Variants in TIMP3 observed in about 807,000 individuals in gnomAD.
The protein encoded by TIMP3 is metalloproteinase inhibitor 3.
TIMP3 carries 11 observed loss-of-function variants against 30.0 expected under a neutral mutation model. The observed-to-expected ratio is 0.37, with a 90% CI of 0.23 to 0.61. The LOEUF (loss-of-function observed/expected upper bound fraction) is 0.61. TIMP3 is among the 20% of genes least tolerant of loss of function. The pLI is 0.70. For synonymous variants in TIMP3, 112 were observed against 111.3 expected, an observed-to-expected ratio of 1.01 and a Z score of -0.04; for missense variants, 181 against 276.8, an observed-to-expected ratio of 0.65 and a Z score of 2.45.
Position 32,802,116 on chromosome 22 carries a change from G to C in TIMP3, c.115G>C (p.Asp39His). The C allele has an allele frequency of 6.3e-7, 1 of 1,582,460 alleles. No homozygotes were observed. Among genetic ancestry groups the C allele is most frequent in the Non-Finnish European group, 8.5e-7 (1 of 1,170,016 alleles). ...SHPQDAFCNSDIVIRAKVVGK... is the reference protein window; with the variant it reads ...SHPQDAFCNSHIVIRAKVVGK... ...CCCCCAGGACGCCTTCTGCAACTCC[G>C]ACATCGGTAAGCGCTCCTGGTGCCC... Residue 39 changes from aspartate to histidine, a missense_variant, in exon 1 of 5, where the codon GAC becomes CAC. By Grantham distance (81) the Asp-to-His change is moderately conservative. Coordinates refer to ENST00000266085, the MANE Select transcript of TIMP3 (RefSeq NM_000362.5).
At chr22:32,811,499 A>C (rs975809251) in intron 1 of TIMP3, among the ~76,000 whole-genome samples, 2 of 152,200 alleles carry the variant, frequency 1.3e-5, no homozygotes, top group Non-Finnish European at 2.9e-5. Context: ...CTGAGTTTCA[A>C]TTCAAAATCG....
chr22:32,836,318 C>T (rs561038081), intron 1 of TIMP3, among the ~76,000 whole-genome samples: 13 of 152,298 alleles, frequency 8.5e-5, no homozygotes, highest in African/African-American at 2.9e-4. Context: ...ACCATGATTG[C>T]ACAGACACGA....
intron 1 of TIMP3, among the ~76,000 whole-genome samples, chr22:32,817,514 C>T (rs1363938939): frequency 6.6e-6 from 1 of 152,158 alleles, no homozygotes; most frequent in African/African-American, 2.4e-5. Flanking sequence ...GTATCATCTG[C>T]ATTACACAGG....
chr22:32,802,103 C>G lies in TIMP3; in HGVS notation c.102C>G (p.Ala34=). ...GCTCGCCCAGCCACCCCCAGGACGC[C>G]TTCTGCAACTCCGACATCGGTAAGC... is the stretch of plus-strand genomic sequence containing the variant. ...CTCSPSHPQD[A]FCNSDIVIRA... Residue 34 remains alanine (A), a synonymous_variant, in exon 1 of 5, where the codon GCC becomes GCG. Coordinates refer to ENST00000266085, the MANE Select transcript of TIMP3 (RefSeq NM_000362.5). The G allele has an allele frequency of 6.3e-7, 1 of 1,582,598 alleles. No homozygotes were observed. The highest frequency in any genetic ancestry group is 8.5e-7 in the Non-Finnish European group (1 of 1,169,736).
In TIMP3 at chr22:32,859,624, C is replaced by A; in HGVS notation, c.*247C>A. The stretch of plus-strand genomic sequence containing the variant: ...CACCTGGGAATTTCTGGTGCCATGC[C>A]AGAAAGAATGAGGAACCTGTATTCC... On this transcript the variant is annotated 3_prime_UTR_variant, in exon 5 of 5. Coordinates refer to ENST00000266085, the MANE Select transcript of TIMP3 (RefSeq NM_000362.5). The A allele has an allele frequency of 1.9e-6, 1 of 538,764 alleles. No homozygotes were observed. The highest frequency in any genetic ancestry group is 3.3e-6 in the Non-Finnish European group (1 of 306,268). The allele number at this position is 538,764 out of a possible 1,614,324, so 33.4% of individuals were successfully genotyped here. A position where few individuals can be genotyped will look rare whatever the true frequency, so the allele number is the denominator to read the frequency against.
At chr22:32,840,232 CA>C (rs1345896015) in intron 1 of TIMP3, among the ~76,000 whole-genome samples, 1 of 151,908 alleles carries the variant, frequency 6.6e-6, no homozygotes, top group Non-Finnish European at 1.5e-5. Context: ...CATTTCTTGC[CA>C]AAAAAACCTG....
At chr22:32,850,937 C>A (rs2048201027) in intron 2 of TIMP3, among the ~76,000 whole-genome samples, 1 of 152,168 alleles carries the variant, frequency 6.6e-6, no homozygotes, top group African/African-American at 2.4e-5. Context: ...TGTCCTGAGG[C>A]TGGATGTACT....
At chr22:32,821,515 C>G (rs954887260) in intron 1 of TIMP3, among the ~76,000 whole-genome samples, 2 of 152,144 alleles carry the variant, frequency 1.3e-5, no homozygotes, top group African/African-American at 4.8e-5. Flanking sequence ...AGGTGAATGA[C>G]CTGGTTAACA....
At chr22:32,842,375 A>G (rs2047935164) in intron 1 of TIMP3, among the ~76,000 whole-genome samples, 2 of 152,108 alleles carry the variant, frequency 1.3e-5, no homozygotes, top group African/African-American at 4.8e-5. Flanking sequence ...TTAGTTCCGA[A>G]GGCCCTTTCC....
intron 2 of TIMP3, among the ~76,000 whole-genome samples, chr22:32,852,056 GAGC>G (rs2146258682): frequency 6.6e-6 from 1 of 152,306 alleles, no homozygotes; most frequent in Admixed American, 6.5e-5. Flanking sequence ...AACATTTACT[GAGC>G]AATTGCTTAG....
Position 32,837,799 on chromosome 22 carries a change from T to C in TIMP3, c.122-11653T>C, listed in dbSNP as rs1256853731. ...ACCTAAGAAATGGCACTGTCCCATG[T>C]TGGAGCAAGACCCAACCTACCAAGC... On this transcript the variant is annotated intron_variant, in intron 1 of 4. Transcript: ENST00000266085. The surrounding 1 kb of genome is among the most constrained non-coding windows in gnomAD (Gnocchi z 4.1). 6.6e-6 allele frequency among the ~76,000 whole-genome samples: 1 copy of C among 152,130 alleles called. No homozygotes were observed. The highest frequency in any genetic ancestry group is 1.5e-5 in the Non-Finnish European group (1 of 68,024).
rs540332559 is a variant in TIMP3, at chr22:32,829,101, G to A, written c.122-20351G>A. 4.6e-5 allele frequency among the ~76,000 whole-genome samples: 7 copies of A among 152,250 alleles called. No homozygotes were observed. The South Asian group carries it at 8.3e-4, about 18-fold the overall frequency. The stretch of plus-strand genomic sequence containing the variant: ...ACCATTTCTACCCTCAGAGGGTACC[G>A]CTGAAGAAGACGGGCAGAGATGAAA... On this transcript the variant is annotated intron_variant, in intron 1 of 4. Coordinates refer to ENST00000266085, the MANE Select transcript of TIMP3 (RefSeq NM_000362.5).
At chr22:32,807,910 A>G (rs1467228303) in intron 1 of TIMP3, among the ~76,000 whole-genome samples, 9 of 152,190 alleles carry the variant, frequency 5.9e-5, no homozygotes. Flanking sequence ...CCCTGTGCTT[A>G]AGAGACTCCC....
At chr22:32,815,069 G>A (rs753095725) in intron 1 of TIMP3, among the ~76,000 whole-genome samples, 4 of 152,158 alleles carry the variant, frequency 2.6e-5, no homozygotes, top group African/African-American at 4.8e-5. Context: ...GACTAGTTGC[G>A]TTTCAGCTAC....
chr22:32,859,086 C>A, intron 4 of TIMP3, 94 bp from the exon 5 acceptor site: 1 of 1,235,190 alleles, frequency 8.1e-7, no homozygotes, highest in Non-Finnish European at 1.2e-6. Context: ...GCTTCCCATG[C>A]AGTGGCCCCA....
At chr22:32,812,124 G>C (rs964634585) in intron 1 of TIMP3, among the ~76,000 whole-genome samples, 1 of 152,150 alleles carries the variant, frequency 6.6e-6, no homozygotes, top group Non-Finnish European at 1.5e-5. Context: ...AAAACAGCAG[G>C]ATATTGGCTC....
chr22:32,857,101 A>G (rs2146284902), intron 2 of TIMP3, 148 bp from the exon 3 acceptor site: 1 of 712,012 alleles, frequency 1.4e-6, no homozygotes, highest in East Asian at 2.7e-5. Flanking sequence ...GGCTATTGTG[A>G]ATATTGCTGC....
intron 1 of TIMP3, among the ~76,000 whole-genome samples, chr22:32,829,233 C>T (rs767591427): frequency 3.3e-5 from 5 of 152,210 alleles, no homozygotes; most frequent in African/African-American, 9.6e-5. Context: ...ATTACTGATA[C>T]CCTCTTTGAT....
chr22:32,823,466 A>G (rs953534460), intron 1 of TIMP3, among the ~76,000 whole-genome samples: 1 of 152,184 alleles, frequency 6.6e-6, no homozygotes, highest in Admixed American at 6.5e-5. Context: ...ACCAGGATGC[A>G]GTGGGCCGTC....
Sources: gnomAD v4.1 joint callset for allele counts (sites outside exome capture counted in the v4.1 genomes callset) on GRCh38, gnomAD v4.1.1 for gene constraint, Gnocchi (gnomAD v3.1) non-coding constraint, MANE v1.5 for transcripts, NCBI Gene and HGNC (gene_info 2026-07-23, HGNC 2026-07-21) for gene names.